Variants in CCDC171 observed in about 807,000 individuals in gnomAD.
CCDC171 encodes the protein coiled-coil domain containing 171.
A neutral mutation model predicts 168.2 loss-of-function variants in CCDC171; 177 were observed. The observed-to-expected ratio is 1.05, with a 90% CI of 0.93 to 1.19. The LOEUF is 1.19. Ranked by LOEUF, CCDC171 falls within the 50% of genes most tolerant of loss-of-function variation. The probability of loss-of-function intolerance (pLI) is 0.00; values close to 1 mark genes in which losing one functional copy is unlikely to be tolerated. For synonymous variants in CCDC171, 687 were observed against 540.8 expected (o/e 1.27, Z -3.75); for missense variants, 1,991 against 1,539.0 (o/e 1.29, Z -4.91).
At position 15,956,839 on chromosome 9, in the gene CCDC171, C is replaced by G. The variant is rs74460309; in HGVS notation, c.3754-14770C>G. On this transcript the variant is annotated intron_variant, in intron 25 of 25. Transcript: ENST00000380701. ...TTTTGAATGTGCGTCGACCTTTCCGCTTTTACTTGTCAGATGCCCCTTTTT... is the reference window on the plus strand; with the variant it reads ...TTTTGAATGTGCGTCGACCTTTCCGGTTTTACTTGTCAGATGCCCCTTTTT... Among the ~76,000 whole-genome samples the G allele has an allele frequency of 4.5e-3, 678 of 152,134 alleles. 5 individuals carry two copies. Among genetic ancestry groups the G allele is most frequent in the African/African-American group, 0.016 (663 of 41,512 alleles).
chr9:15,761,153 A>T (rs974751668), intron 18 of CCDC171, among the ~76,000 whole-genome samples: 1 of 152,210 alleles, frequency 6.6e-6, no homozygotes, highest in African/African-American at 2.4e-5. Context: ...ACATTTTGTC[A>T]CACATTTCCT....
chr9:15,903,174 A>G (rs1407543224), intron 24 of CCDC171, among the ~76,000 whole-genome samples: 1 of 152,184 alleles, frequency 6.6e-6, no homozygotes, highest in Non-Finnish European at 1.5e-5. Flanking sequence ...GACAGCTTTG[A>G]AGAGAGTAGT....
chr9:15,602,026 A>G (rs1490049460), intron 6 of CCDC171, among the ~76,000 whole-genome samples: 4 of 152,216 alleles, frequency 2.6e-5, no homozygotes, highest in African/African-American at 7.2e-5. Flanking sequence ...TATGAGGTGT[A>G]CAGAAAAATG....
Position 15,920,376 on chromosome 9 carries a change from C to G in CCDC171, c.3707C>G (p.Ser1236Ter). The G allele has an allele frequency of 1.2e-6, 2 of 1,609,516 alleles. No individual in the cohort carries two copies. The highest frequency in any genetic ancestry group is 1.7e-6 in the Non-Finnish European group (2 of 1,177,090). The change falls in exon 25 of 26, where the codon TCA (serine) becomes TGA (stop). Residue 1236 changes from serine to a stop codon, truncating the protein, a stop_gained. Coordinates refer to ENST00000380701, the MANE Select transcript of CCDC171 (RefSeq NM_173550.4). LOFTEE classifies it high-confidence loss of function. ...CGAAGTCACATTGCAGCCTTGAAAT[C>G]AGAACTTCACACAGCTTGTTTACGT... The part of the protein sequence containing the change: ...SHRSHIAALK[S>*]ELHTACLREN...
intron 21 of CCDC171, among the ~76,000 whole-genome samples, chr9:15,837,264 C>T (rs1036836722): frequency 9.2e-5 from 14 of 152,270 alleles, no homozygotes; most frequent in Non-Finnish European, 1.0e-4. Flanking sequence ...TTTAAAGCAT[C>T]ACCACTAGAT....
At position 15,629,633 on chromosome 9, in the gene CCDC171, T is replaced by C. The variant is rs554998271; in HGVS notation, c.822+6220T>C. Among the ~76,000 whole-genome samples the C allele has an allele frequency of 6.3e-4, 96 of 152,248 alleles. 1 individual carries two copies. Among genetic ancestry groups the C allele is most frequent in the African/African-American group, 2.2e-3 (92 of 41,530 alleles). On this transcript the variant is annotated intron_variant, in intron 7 of 25. Transcript: ENST00000380701. The stretch of plus-strand genomic sequence containing the variant: ...ATATTATCCAGGAGAACTTCCCCAA[T>C]CTAGCAAGGCAGGCCAACATTCAGA...
intron 3 of CCDC171, among the ~76,000 whole-genome samples, chr9:15,990,987 A>G (rs1466021280): frequency 6.6e-6 from 1 of 152,216 alleles, no homozygotes; most frequent in Non-Finnish European, 1.5e-5. Context: ...GGAGACTTTA[A>G]CACCCCGCTG....
chr9:15,764,444 T>C (rs2056616497), intron 18 of CCDC171, among the ~76,000 whole-genome samples: 1 of 152,134 alleles, frequency 6.6e-6, no homozygotes, highest in Non-Finnish European at 1.5e-5. Flanking sequence ...CTGGAAATAT[T>C]TTGAAGATAG....
intron 16 of CCDC171, among the ~76,000 whole-genome samples, chr9:15,731,867 T>C (rs2054172123): frequency 6.6e-6 from 1 of 152,104 alleles, no homozygotes; most frequent in Non-Finnish European, 1.5e-5. Context: ...GTATTGTCAG[T>C]CTTTTAAATT....
intron 23 of CCDC171, among the ~76,000 whole-genome samples, chr9:15,863,543 A>C (rs1206638083): frequency 6.6e-6 from 1 of 151,716 alleles, no homozygotes; most frequent in African/African-American, 2.4e-5. Flanking sequence ...CAAATTTTGA[A>C]TGTGTCAACT....
chr9:15,892,173 T>C (rs1169333623), intron 24 of CCDC171, among the ~76,000 whole-genome samples: 2 of 152,186 alleles, frequency 1.3e-5, no homozygotes, highest in Non-Finnish European at 2.9e-5. Flanking sequence ...TTTCTCTCTT[T>C]CTATTTGAAT....
rs535413480 is a variant in CCDC171 at position 16,045,179 on chromosome 9, C to T, written n.89+2293C>T. Reference sequence around the variant, plus strand: ...TCTTGTTTGGGGGTCCCCAGAAGCACACCCTGAGACAATGATTTGAGTGCA... The same window carrying T: ...TCTTGTTTGGGGGTCCCCAGAAGCATACCCTGAGACAATGATTTGAGTGCA... On this transcript the variant is annotated intron_variant and non_coding_transcript_variant, in intron 1 of 1. Coordinates refer to the CCDC171 transcript ENST00000478913. 7.9e-5 allele frequency among the ~76,000 whole-genome samples: 12 copies of T among 152,306 alleles called. No individual in the cohort carries two copies. The East Asian group carries it at 1.7e-3, about 22-fold the overall frequency.
At chr9:16,004,292 G>T (rs373854841) in intron 3 of CCDC171, among the ~76,000 whole-genome samples, 14 of 152,176 alleles carry the variant, frequency 9.2e-5, no homozygotes, top group Non-Finnish European at 1.0e-4. Context: ...TAACTAGTGT[G>T]TCAGGCCAGA....
chr9:15,796,586 C>T (rs977741394), intron 21 of CCDC171, among the ~76,000 whole-genome samples: 2 of 152,166 alleles, frequency 1.3e-5, no homozygotes, highest in South Asian at 2.1e-4. Flanking sequence ...TGCCTTTTGA[C>T]AAATGTATAC....
chr9:15,971,793 C>G lies in CCDC171; in HGVS notation c.3938C>G (p.Thr1313Ser). 1 of 1,613,958 alleles carries G rather than the reference C, an allele frequency of 6.2e-7. No individual in the cohort carries two copies. Among genetic ancestry groups the G allele is most frequent in the South Asian group, 1.1e-5 (1 of 91,076 alleles). Residue 1313 changes from threonine (T) to serine (S), a missense_variant, in exon 26 of 26, where the codon ACT becomes AGT. Physicochemically the swap from Thr to Ser is moderately conservative, Grantham distance 58. Transcript: ENST00000380701. ...ALTSSHSSPV[T>S]MSANANRPTQ... is the part of the protein sequence containing the mutation. ...ACATCATCTCACTCCTCTCCAGTGA[C>G]TATGTCTGCTAATGCCAACAGACCA...
chr9:15,914,692 T>C (rs1369554649), intron 24 of CCDC171, among the ~76,000 whole-genome samples: 1 of 53,950 alleles, frequency 1.9e-5, no homozygotes, highest in East Asian at 9.5e-4. Context: ...GACAATGGGG[T>C]ATGAAAAAAA....
chr9:15,644,773 G>T (rs1410348093), intron 7 of CCDC171, among the ~76,000 whole-genome samples: 1 of 152,224 alleles, frequency 6.6e-6, no homozygotes, highest in Non-Finnish European at 1.5e-5. Flanking sequence ...GCCCACCGCA[G>T]CCCAAGGAGG....
chr9:15,940,122 A>G (rs1297054947), intron 25 of CCDC171, among the ~76,000 whole-genome samples: 1 of 151,980 alleles, frequency 6.6e-6, no homozygotes, highest in Non-Finnish European at 1.5e-5. Flanking sequence ...TGTTTAGTGG[A>G]TAAAAGCAAT....
chr9:15,822,538 A>T (rs549974661), intron 21 of CCDC171, among the ~76,000 whole-genome samples: 5 of 152,328 alleles, frequency 3.3e-5, no homozygotes, highest in South Asian at 4.1e-4. Context: ...ATGAACAGAC[A>T]CTTCTCAAAA....
Sources: allele counts gnomAD v4.1 joint callset (sites outside exome capture counted in the v4.1 genomes callset), GRCh38; gene constraint gnomAD v4.1.1; transcripts MANE v1.5; gene names NCBI Gene and HGNC (gene_info 2026-07-23, HGNC 2026-07-21).